Variants in FBXO34 observed in about 807,000 individuals in gnomAD.
FBXO34 encodes F-box protein 34, also known as F-box only protein 34.
In FBXO34, 12 loss-of-function variants were observed where a neutral mutation model predicts 24.5. The ratio of observed to expected loss-of-function variants is 0.49; its 90% CI spans 0.31 to 0.79. The LOEUF is 0.79. Among genes scored for constraint, FBXO34 ranks in the 30% least tolerant of loss-of-function variants. FBXO34 has a pLI of 0.04. For synonymous variants in FBXO34, 320 were observed against 311.9 expected, an observed-to-expected ratio of 1.03 and a Z score of -0.27; for missense variants, 823 against 857.7, an observed-to-expected ratio of 0.96 and a Z score of 0.51.
downstream of FBXO34, chr14:55,369,259 G>A (rs116309676): frequency 4.2e-3 from 715 of 169,830 alleles, 6 homozygotes; most frequent in African/African-American, 0.017. Flanking sequence ...TCTCAGCACC[G>A]CAAGGACCAG....
downstream of FBXO34, among the ~76,000 whole-genome samples, chr14:55,365,788 A>C (rs1034086065): frequency 6.6e-6 from 1 of 152,252 alleles, no homozygotes; most frequent in Admixed American, 6.5e-5. Flanking sequence ...ATAAAGGGGC[A>C]GTATGACCAT....
chr14:55,318,373 T>TGCAGTC (rs1883007838), intron 1 of FBXO34: 2 of 25,746 alleles, frequency 7.8e-5, no homozygotes, highest in Non-Finnish European at 1.4e-4. Flanking sequence ...TATATATATA[T>TGCAGTC]ATATATATAT....
the FBXO34 span, among the ~76,000 whole-genome samples, chr14:55,378,272 C>T: frequency 1.3e-5 from 2 of 152,212 alleles, no homozygotes; most frequent in Admixed American, 1.3e-4. Flanking sequence ...ATTACAAATG[C>T]ACATACCCTT....
chr14:55,441,019 G>C, the FBXO34 span, among the ~76,000 whole-genome samples: 2 of 151,784 alleles, frequency 1.3e-5, no homozygotes, highest in Non-Finnish European at 1.5e-5. Context: ...GCTAATTTTT[G>C]TATTTTTAGT....
At chr14:55,390,776 G>C in the FBXO34 span, 1 of 640,106 alleles carries the variant, frequency 1.6e-6, no homozygotes, top group East Asian at 3.1e-5. Context: ...GGAAAGATGA[G>C]GGCGAGTAGT....
chr14:55,442,721 A>ATT, the FBXO34 span, among the ~76,000 whole-genome samples: 4,163 of 151,662 alleles, frequency 0.027, 151 homozygotes, highest in African/African-American at 0.082. Flanking sequence ...TAACCTACAC[A>ATT]TTTTTTTAGC....
chr14:55,327,720 C>T (rs776610169), intron 1 of FBXO34, among the ~76,000 whole-genome samples: 80 of 151,948 alleles, frequency 5.3e-4, no homozygotes, highest in Non-Finnish European at 7.7e-4. Flanking sequence ...TTCGAATAGA[C>T]AGTAGCCCCT....
chr14:55,363,872 G>GT (rs957487109), downstream of FBXO34, among the ~76,000 whole-genome samples: 1,928 of 144,956 alleles, frequency 0.013, 15 homozygotes, highest in Middle Eastern at 0.029. Flanking sequence ...ATGCCTCTGC[G>GT]TTTTTTTTTT....
At chr14:55,333,633 T>C (rs1031618156) in intron 1 of FBXO34, among the ~76,000 whole-genome samples, 2 of 152,294 alleles carry the variant, frequency 1.3e-5, no homozygotes, top group East Asian at 1.9e-4. Flanking sequence ...AGAAGTATTT[T>C]TAAGCTTGTT....
chr14:55,309,803 A>G (rs1270752914), intron 1 of FBXO34, among the ~76,000 whole-genome samples: 1 of 152,218 alleles, frequency 6.6e-6, no homozygotes, highest in Non-Finnish European at 1.5e-5. Flanking sequence ...AAAACTCAGT[A>G]GCTTCATTGT....
chr14:55,411,906 G>C, the FBXO34 span: 137 of 1,308,076 alleles, frequency 1.0e-4, no homozygotes, highest in Middle Eastern at 2.4e-3. Flanking sequence ...CCTGGGGAAG[G>C]GGGGCTGGGA....
chr14:55,336,841 A>G (rs957726570), intron 1 of FBXO34, among the ~76,000 whole-genome samples: 3 of 150,594 alleles, frequency 2.0e-5, no homozygotes, highest in Admixed American at 1.3e-4. Context: ...AAAAAATGCT[A>G]TACACATATA....
chr14:55,437,661 T>C, the FBXO34 span, among the ~76,000 whole-genome samples: 3 of 152,242 alleles, frequency 2.0e-5, no homozygotes, highest in Non-Finnish European at 2.9e-5. Flanking sequence ...AATTGTTGTA[T>C]ACTTTGAAGA....
At chr14:55,282,210 A>G in intron 1 of FBXO34, 1 of 209,768 alleles carries the variant, frequency 4.8e-6, no homozygotes, top group South Asian at 6.7e-5. Flanking sequence ...GGCCAAGATG[A>G]TCTTGATCTC....
Position 55,331,709 on chromosome 14 carries a change from A to G in FBXO34, c.-10-18672A>G, listed in dbSNP as rs1485135498. Among the ~76,000 whole-genome samples the G allele has an allele frequency of 1.8e-4, 10 of 56,142 alleles. 1 individual carries two copies. The highest frequency in any genetic ancestry group is 9.6e-4 in the African/African-American group (6 of 6,220). 36.8% of individuals were successfully genotyped at this position (56,142 alleles called of 152,430 possible). ...TGTGTATATATATATATATATGTAT[A>G]TATATATGTATATATATATGTATAT... is the stretch of plus-strand genomic sequence containing the variant. On this transcript the variant is annotated intron_variant, in intron 1 of 1. Transcript: ENST00000313833.
At chr14:55,290,882 C>G (rs1881924301) in intron 1 of FBXO34, among the ~76,000 whole-genome samples, 1 of 152,144 alleles carries the variant, frequency 6.6e-6, no homozygotes, top group Admixed American at 6.5e-5. Context: ...TGCAGTGGCA[C>G]TATCTCAGCT....
intron 1 of FBXO34, among the ~76,000 whole-genome samples, chr14:55,300,589 C>T (rs1020956169): frequency 2.0e-5 from 3 of 151,922 alleles, no homozygotes; most frequent in South Asian, 2.1e-4. Context: ...AGCGAGACTC[C>T]GTCTCAAAAA....
At chr14:55,337,451 C>T (rs756512849) in intron 1 of FBXO34, among the ~76,000 whole-genome samples, 4 of 152,212 alleles carry the variant, frequency 2.6e-5, no homozygotes, top group African/African-American at 9.6e-5. Flanking sequence ...ATAATGTCAT[C>T]GTCCTCAGGC....
chr14:55,363,563 A>G (rs566248108), downstream of FBXO34, among the ~76,000 whole-genome samples: 1 of 152,216 alleles, frequency 6.6e-6, no homozygotes, highest in East Asian at 1.9e-4. Flanking sequence ...TCCTGACTTC[A>G]GGTGATCCAC....
Sources: gnomAD v4.1 joint callset for allele counts (sites outside exome capture counted in the v4.1 genomes callset) on GRCh38, gnomAD v4.1.1 for gene constraint, MANE v1.5 for transcripts, NCBI Gene and HGNC (gene_info 2026-07-23, HGNC 2026-07-21) for gene names.